The following AGGF1 variants were observed in gnomAD, a reference collection of about 807,000 sequenced individuals.
AGGF1 encodes angiogenic factor with G-patch and FHA domains 1.
In AGGF1, 56 loss-of-function variants were observed where a neutral mutation model predicts 86.5. The ratio of observed to expected loss-of-function variants is 0.65; its 90% CI spans 0.52 to 0.81. AGGF1 has a LOEUF of 0.81. Ranked by LOEUF, AGGF1 falls within the 30% of genes least tolerant of loss-of-function variation. The probability of loss-of-function intolerance (pLI) is 0.00; values close to 1 mark genes in which losing one functional copy is unlikely to be tolerated. For missense variants in AGGF1, 816 were observed against 850.9 expected (o/e 0.96, Z 0.51); for synonymous variants, 313 against 297.1 (o/e 1.05, Z -0.55).
chr5:77,030,459 TC>T lies in AGGF1; in HGVS notation c.-306del. The T allele has an allele frequency of 1.7e-6, 1 of 573,858 alleles. No homozygotes were observed. Among genetic ancestry groups the T allele is most frequent in the Non-Finnish European group, 3.3e-6 (1 of 303,802 alleles). The allele number at this position is 573,858 out of a possible 1,614,324, so 35.5% of individuals were successfully genotyped here. On this transcript the variant is annotated 5_prime_UTR_variant, in exon 1 of 14. Coordinates refer to ENST00000312916, the MANE Select transcript of AGGF1 (RefSeq NM_018046.5). ...CTGGAGCTCTTCTGGCCTCTGGTTT[TC>T]CGACTGCTTATCCGACGCTCCTCCC...
chr5:77,053,678 T>G (rs1045067774), intron 9 of AGGF1, among the ~76,000 whole-genome samples: 16 of 152,138 alleles, frequency 1.1e-4, no homozygotes, highest in African/African-American at 3.9e-4. Context: ...GATTATATGT[T>G]TTGGTAATAG....
chr5:77,054,300 T>G (rs930204581), intron 10 of AGGF1, among the ~76,000 whole-genome samples, 170 bp downstream of exon 10: 5 of 152,200 alleles, frequency 3.3e-5, no homozygotes, highest in African/African-American at 1.2e-4. Context: ...TAATAATAGA[T>G]TGAGATATAT....
chr5:77,053,986 T>TA lies in AGGF1; in HGVS notation c.1490dup (p.Tyr497Ter). Residue 497 changes from tyrosine (Y) to a stop codon, truncating the protein, a stop_gained and frameshift_variant, in exon 10 of 14, where the codon TAC becomes TAAC. Coordinates refer to ENST00000312916, the MANE Select transcript of AGGF1 (RefSeq NM_018046.5). LOFTEE classifies it high-confidence loss of function. ...CTAGCCGAAAACTAAATGTGACCCT[T>TA]ACGTACTTGAGCATGGAGATGAAGT... ...ILQPKTKCDP[Y>*]VLEHGDEVKI... 2.5e-6 allele frequency: 4 copies of TA among 1,614,194 alleles called. No homozygotes were observed. The highest frequency in any genetic ancestry group is 2.5e-6 in the Non-Finnish European group (3 of 1,180,020).
chr5:77,046,312 C>T, intron 5 of AGGF1, 35 bp from the exon 6 acceptor site: 2 of 1,524,574 alleles, frequency 1.3e-6, no homozygotes, highest in Non-Finnish European at 9.1e-7. Flanking sequence ...AGAGTATTCT[C>T]CCCTGTTCCC....
In AGGF1 at chr5:77,055,362, C is replaced by G. The variant is rs1042699816; in HGVS notation, c.1634-152C>G. On this transcript the variant is annotated intron_variant, in intron 10 of 13. Coordinates refer to ENST00000312916, the MANE Select transcript of AGGF1 (RefSeq NM_018046.5). ...CCAAAATGCTGAAAGGACATCATCA[C>G]AACCCAATATCCTTTATATTAATGT... The G allele has an allele frequency of 5.3e-5, 31 of 580,418 alleles. No individual in the cohort carries two copies. The African/African-American group carries it at 5.7e-4, about 11-fold the overall frequency. The allele number at this position is 580,418 out of a possible 1,614,324, so 36.0% of individuals were successfully genotyped here. A position where few individuals can be genotyped will look rare whatever the true frequency, so the allele number is the denominator to read the frequency against.
At chr5:77,036,063 A>T (rs1397007061) in intron 3 of AGGF1, 3 of 296,434 alleles carry the variant, frequency 1.0e-5, no homozygotes, top group African/African-American at 6.7e-5. Flanking sequence ...AAAAAATTTT[A>T]ATGTTCCTTT....
intron 1 of AGGF1, among the ~76,000 whole-genome samples, chr5:77,031,590 C>G (rs1746855019): frequency 2.0e-5 from 3 of 152,170 alleles, no homozygotes; most frequent in Admixed American, 6.5e-5. Context: ...AATACTTAAA[C>G]TGTCACATTA....
Position 77,063,280 on chromosome 5 carries a change from GT to G in AGGF1, c.*35del. The stretch of plus-strand genomic sequence containing the variant: ...GCTAATCATAGAAAAAAAACCTCTA[GT>G]TTTTTTAAAAATAGAATTTGGAAAC... On this transcript the variant is annotated 3_prime_UTR_variant, in exon 14 of 14. Transcript: ENST00000312916. 1.3e-6 allele frequency: 2 copies of G among 1,597,300 alleles called. No homozygotes were observed. Among genetic ancestry groups the G allele is most frequent in the East Asian group, 2.2e-5 (1 of 44,756 alleles).
At chr5:77,032,104 A>T (rs1746864941) in intron 1 of AGGF1, among the ~76,000 whole-genome samples, 1 of 152,062 alleles carries the variant, frequency 6.6e-6, no homozygotes, top group Admixed American at 6.5e-5. Context: ...TTTGTTACCA[A>T]ATGGACTATG....
intron 9 of AGGF1, 43 bp downstream of exon 9, chr5:77,052,850 A>T: frequency 6.7e-7 from 1 of 1,482,514 alleles, no homozygotes; most frequent in Non-Finnish European, 9.4e-7. Context: ...CATTATTTTT[A>T]AACTGATTTT....
rs1561290327 is a variant in AGGF1, at chr5:77,054,031, T to C, written c.1534T>C (p.Leu512=). 1.9e-6 allele frequency: 3 copies of C among 1,614,170 alleles called. No homozygotes were observed. The highest frequency in any genetic ancestry group is 2.5e-6 in the Non-Finnish European group (3 of 1,180,010). ...GDEVKIGETV[L]SFHIHPGSDT... is the part of the protein sequence containing the mutation. Reference sequence around the variant, plus strand: ...TGAAGTCAAAATTGGAGAAACTGTCTTATCCTTTCACATTCATCCTGGCAG... The same window carrying C: ...TGAAGTCAAAATTGGAGAAACTGTCCTATCCTTTCACATTCATCCTGGCAG... Residue 512 remains leucine, a synonymous_variant, in exon 10 of 14, where the codon TTA becomes CTA. Transcript: ENST00000312916.
In AGGF1 at chr5:77,054,048, T is replaced by A. The variant is rs1341185648; in HGVS notation, c.1551T>A (p.His517Gln). The change falls in exon 10 of 14, where the codon CAT becomes CAA. Residue 517 changes from histidine to glutamine, a missense_variant. Physicochemically the swap from His to Gln is conservative, Grantham distance 24. This residue lies in a region of AGGF1 where 565 missense variants were observed against 585.8 expected (regional missense o/e 0.96). Transcript: ENST00000312916. ...AAACTGTCTTATCCTTTCACATTCA[T>A]CCTGGCAGTGATACCTGTGATGGCT... ...IGETVLSFHI[H>Q]PGSDTCDGCE... 1 of 1,614,206 alleles carries A rather than the reference T, an allele frequency of 6.2e-7. No homozygotes were observed. The highest frequency in any genetic ancestry group is 1.1e-5 in the South Asian group (1 of 91,088).
At chr5:77,040,127 A>G (rs1467228589) in intron 5 of AGGF1, among the ~76,000 whole-genome samples, 2 of 132,608 alleles carry the variant, frequency 1.5e-5, no homozygotes, top group African/African-American at 2.8e-5. Context: ...TTTTTTTTTG[A>G]GACAGAGTTT....
At chr5:77,031,344 G>A (rs1746848403) in intron 1 of AGGF1, among the ~76,000 whole-genome samples, 1 of 152,180 alleles carries the variant, frequency 6.6e-6, no homozygotes, top group African/African-American at 2.4e-5. Context: ...CACTGGGTGT[G>A]TGAACTTATA....
rs565700220 is a variant in AGGF1 at position 77,037,412 on chromosome 5, T to A, written c.681+692T>A. ...TAGGCCACATAAGGAGACTTCTTTC[T>A]TGAATTCTTAGTAGTATGTTTATTA... On this transcript the variant is annotated intron_variant, in intron 4 of 13. Transcript: ENST00000312916. Among the ~76,000 whole-genome samples, 7 of 152,364 alleles carry A rather than the reference T, an allele frequency of 4.6e-5. No homozygotes were observed. The East Asian group carries it at 1.3e-3, about 29-fold the overall frequency.
chr5:77,036,791 G>A, intron 4 of AGGF1, 71 bp downstream of exon 4: 1 of 1,535,202 alleles, frequency 6.5e-7, no homozygotes, highest in South Asian at 1.1e-5. Context: ...CGGCTGGAGT[G>A]CAGTGGAGTG....
chr5:77,057,709 G>A (rs533523100), intron 11 of AGGF1, among the ~76,000 whole-genome samples: 2 of 152,330 alleles, frequency 1.3e-5, no homozygotes, highest in East Asian at 3.9e-4. Context: ...AGTCTCAACT[G>A]TGTGTGCCCT....
At chr5:77,044,981 C>T (rs1037621891) in intron 5 of AGGF1, among the ~76,000 whole-genome samples, 2 of 151,624 alleles carry the variant, frequency 1.3e-5, no homozygotes, top group Non-Finnish European at 2.9e-5. Context: ...AGTAGAATCT[C>T]TTGAACCTGG....
chr5:77,036,887 A>G (rs1033184916), intron 4 of AGGF1, among the ~76,000 whole-genome samples, 167 bp downstream of exon 4: 1 of 152,060 alleles, frequency 6.6e-6, no homozygotes, highest in African/African-American at 2.4e-5. Flanking sequence ...ACAGGCATGC[A>G]CCACCACACC....
Sources: allele counts gnomAD v4.1 joint callset (sites outside exome capture counted in the v4.1 genomes callset), GRCh38; gene constraint gnomAD v4.1.1; regional missense constraint gnomAD v4.1.1; transcripts MANE v1.5; gene names NCBI Gene and HGNC (gene_info 2026-07-23, HGNC 2026-07-21).